Variants in GPC5 observed in about 807,000 individuals in gnomAD.
The protein encoded by GPC5 is glypican 5, also known as glypican-5.
GPC5 carries 47 observed loss-of-function variants against 53.9 expected under a neutral mutation model. The ratio of observed to expected loss-of-function variants is 0.87; its 90% CI spans 0.69 to 1.11. The LOEUF (loss-of-function observed/expected upper bound fraction) is 1.11. GPC5 is among the 50% of genes most tolerant of loss of function. The pLI is 0.00. For missense variants in GPC5, 748 were observed against 713.1 expected, an observed-to-expected ratio of 1.05 and a Z score of -0.56; for synonymous variants, 286 against 263.3, an observed-to-expected ratio of 1.09 and a Z score of -0.84.
chr13:92,809,922 AAT>A (rs1331701670), intron 7 of GPC5, among the ~76,000 whole-genome samples: 1 of 152,118 alleles, frequency 6.6e-6, no homozygotes, highest in African/African-American at 2.4e-5. Context: ...GTCACTCTGT[AAT>A]AGAGTCTAGC....
intron 5 of GPC5, among the ~76,000 whole-genome samples, chr13:91,865,890 T>C (rs984840823): frequency 9.9e-5 from 15 of 152,064 alleles, no homozygotes; most frequent in African/African-American, 3.6e-4. Flanking sequence ...TTTTTGAGAT[T>C]GAGTTTCACT....
intron 7 of GPC5, among the ~76,000 whole-genome samples, chr13:92,259,548 C>G (rs1331286529): frequency 6.6e-6 from 1 of 152,088 alleles, no homozygotes; most frequent in East Asian, 1.9e-4. Flanking sequence ...GAATAGTCTA[C>G]CCTATCATTC....
At chr13:92,185,158 G>A (rs1252271614) in intron 7 of GPC5, among the ~76,000 whole-genome samples, 1 of 152,084 alleles carries the variant, frequency 6.6e-6, no homozygotes, top group Admixed American at 6.5e-5. Context: ...AGTCTGATGT[G>A]CCAGGGTCAT....
intron 7 of GPC5, among the ~76,000 whole-genome samples, chr13:92,338,509 C>T (rs1354844617): frequency 1.3e-5 from 2 of 152,058 alleles, no homozygotes; most frequent in African/African-American, 4.8e-5. Context: ...CCAGGTTGCT[C>T]TTCAGTAGGT....
chr13:92,066,446 AG>A (rs371588997), intron 6 of GPC5, among the ~76,000 whole-genome samples: 1 of 151,186 alleles, frequency 6.6e-6, no homozygotes. Flanking sequence ...AAAAAAAAAA[AG>A]AAAAAAAACA....
At chr13:92,044,187 A>G (rs971656467) in intron 6 of GPC5, among the ~76,000 whole-genome samples, 1 of 152,178 alleles carries the variant, frequency 6.6e-6, no homozygotes, top group Admixed American at 6.5e-5. Flanking sequence ...CTTAACCTGT[A>G]TTTGTATTTC....
chr13:91,750,671 G>A (rs1166373478), intron 4 of GPC5, among the ~76,000 whole-genome samples: 1 of 125,730 alleles, frequency 8.0e-6, no homozygotes, highest in Non-Finnish European at 1.6e-5. Context: ...TAGTAGGTAA[G>A]TCCTTTTTTT....
At chr13:92,337,175 C>A (rs1205105452) in intron 7 of GPC5, among the ~76,000 whole-genome samples, 1 of 145,962 alleles carries the variant, frequency 6.9e-6, no homozygotes, top group Non-Finnish European at 1.5e-5. Flanking sequence ...AAATACAATG[C>A]CATTTATGTT....
chr13:91,548,391 A>G (rs1486779677), intron 2 of GPC5, among the ~76,000 whole-genome samples: 1 of 152,208 alleles, frequency 6.6e-6, no homozygotes, highest in Non-Finnish European at 1.5e-5. Context: ...AAATACTTAG[A>G]TAAAAATCTA....
chr13:92,387,195 A>G (rs1162270146), intron 7 of GPC5, among the ~76,000 whole-genome samples: 1 of 151,956 alleles, frequency 6.6e-6, no homozygotes, highest in African/African-American at 2.4e-5. Flanking sequence ...CAACCATTCT[A>G]TTTTTCACTT....
chr13:91,616,466 C>T (rs9589308), intron 2 of GPC5, among the ~76,000 whole-genome samples: 1,544 of 152,130 alleles, frequency 0.01, 24 homozygotes, highest in African/African-American at 0.035. Flanking sequence ...TTACACATAA[C>T]GCCACTAAAT....
intron 6 of GPC5, among the ~76,000 whole-genome samples, chr13:92,029,128 G>C (rs1295940794): frequency 6.6e-6 from 1 of 152,080 alleles, no homozygotes; most frequent in African/African-American, 2.4e-5. Context: ...TACTAGCTCA[G>C]TATCACCGTT....
chr13:91,705,614 T>C (rs2036082299), intron 3 of GPC5, among the ~76,000 whole-genome samples: 1 of 152,126 alleles, frequency 6.6e-6, no homozygotes, highest in Non-Finnish European at 1.5e-5. Context: ...ATTTGTGTGT[T>C]TCAATGTTAC....
intron 6 of GPC5, among the ~76,000 whole-genome samples, chr13:92,117,021 CA>C (rs2041607377): frequency 6.6e-6 from 1 of 152,094 alleles, no homozygotes. Flanking sequence ...TTTCGTAGAG[CA>C]AAAATTTTTA....
chr13:92,257,218 T>C (rs2042732526), intron 7 of GPC5, among the ~76,000 whole-genome samples: 2 of 152,110 alleles, frequency 1.3e-5, no homozygotes, highest in South Asian at 4.1e-4. Flanking sequence ...ATAGGCAATA[T>C]CTGTTCATAG....
At chr13:91,409,504 A>G (rs887514417) in intron 1 of GPC5, among the ~76,000 whole-genome samples, 4 of 152,168 alleles carry the variant, frequency 2.6e-5, no homozygotes, top group African/African-American at 9.7e-5. Context: ...GTTTTAAAAT[A>G]TTTCCTATTC....
chr13:92,740,892 TTA>T (rs1322419195), intron 7 of GPC5, among the ~76,000 whole-genome samples: 1 of 40,438 alleles, frequency 2.5e-5, no homozygotes, highest in African/African-American at 1.1e-4. Context: ...GTATATTTAT[TTA>T]TTTATATATA....
chr13:91,615,088 C>T (rs1312503289), intron 2 of GPC5, among the ~76,000 whole-genome samples: 1 of 150,740 alleles, frequency 6.6e-6, no homozygotes, highest in Non-Finnish European at 1.5e-5. Flanking sequence ...TACAAAGAGG[C>T]ATTAGGATTA....
intron 7 of GPC5, among the ~76,000 whole-genome samples, chr13:92,312,872 C>T (rs551334066): frequency 3.9e-5 from 6 of 152,108 alleles, no homozygotes; most frequent in South Asian, 2.1e-4. Flanking sequence ...AAATGTCATC[C>T]GTGGTATAGG....
Sources: gnomAD v4.1 joint callset for allele counts (sites outside exome capture counted in the v4.1 genomes callset) on GRCh38, gnomAD v4.1.1 for gene constraint, MANE v1.5 for transcripts, NCBI Gene and HGNC (gene_info 2026-07-23, HGNC 2026-07-21) for gene names.